Variants in CCT5 observed in about 807,000 individuals in gnomAD.
The protein encoded by CCT5 is chaperonin containing TCP1 subunit 5.
Under a neutral mutation model 55.0 loss-of-function variants are expected in CCT5, and 6 were observed. The ratio of observed to expected loss-of-function variants is 0.11; its 90% CI spans 0.06 to 0.22. The LOEUF (loss-of-function observed/expected upper bound fraction) is 0.22, where lower values mean the gene tolerates loss of function less well. CCT5 is among the 10% of genes least tolerant of loss of function. The pLI, the probability that CCT5 is intolerant of heterozygous loss-of-function variation, is 1.00. For missense variants in CCT5, 560 were observed against 694.6 expected (o/e 0.81, Z 2.18); for synonymous variants, 231 against 243.7 (o/e 0.95, Z 0.49).
rs984527911 is a variant in CCT5, at chr5:10,250,576, C to T, written c.105+131C>T. On this transcript the variant is annotated intron_variant, in intron 1 of 10. Coordinates refer to ENST00000280326, the MANE Select transcript of CCT5 (RefSeq NM_012073.5). ...AAGGTCGAGAATCTCCGTCTCCCTGCGGTCTCCGGCCGCTCAGCCCGCTTA... is the reference window on the plus strand; with the variant it reads ...AAGGTCGAGAATCTCCGTCTCCCTGTGGTCTCCGGCCGCTCAGCCCGCTTA... 8 of 1,496,360 alleles carry T rather than the reference C, an allele frequency of 5.3e-6. No individual in the cohort carries two copies. The African/African-American group carries it at 7.0e-5, about 13-fold the overall frequency. The allele number at this position is 1,496,360 out of a possible 1,614,324, so 92.7% of individuals were successfully genotyped here.
intron 4 of CCT5, among the ~76,000 whole-genome samples, chr5:10,257,545 A>G (rs1484623595): frequency 6.6e-6 from 1 of 151,816 alleles, no homozygotes; most frequent in African/African-American, 2.4e-5. Context: ...TTCTTGGCTC[A>G]AAAATTAATT....
intron 4 of CCT5, among the ~76,000 whole-genome samples, chr5:10,256,446 G>C (rs1351062751): frequency 6.6e-6 from 1 of 152,202 alleles, no homozygotes; most frequent in East Asian, 1.9e-4. Context: ...GCTGGATGCA[G>C]TGGCTCATAC....
intron 7 of CCT5, 113 bp downstream of exon 7, chr5:10,261,024 A>C (rs930049316): frequency 9.2e-7 from 1 of 1,092,376 alleles, no homozygotes; most frequent in Non-Finnish European, 1.4e-6. Flanking sequence ...CTGGCAGATG[A>C]GGGGAGGGTG....
At chr5:10,256,956 T>A (rs528641287) in intron 4 of CCT5, among the ~76,000 whole-genome samples, 5 of 152,236 alleles carry the variant, frequency 3.3e-5, no homozygotes, top group Non-Finnish European at 7.3e-5. Context: ...CCCAGGAGAC[T>A]CTAAGCAACC....
intron 7 of CCT5, 49 bp downstream of exon 7, chr5:10,260,960 T>A: frequency 6.2e-7 from 1 of 1,602,054 alleles, no homozygotes; most frequent in Non-Finnish European, 8.6e-7. Context: ...GTTCATCTTA[T>A]GTGTTGAGGG....
At chr5:10,263,339 T>A (rs1746063913) in intron 10 of CCT5, 25 bp downstream of exon 10, 23 of 420,246 alleles carry the variant, frequency 5.5e-5, no homozygotes, top group Non-Finnish European at 8.4e-5. Context: ...CGCCTCTGCG[T>A]GGAGGGGGGG....
chr5:10,250,481 G>T, intron 1 of CCT5, 36 bp downstream of exon 1: 2 of 1,610,162 alleles, frequency 1.2e-6, no homozygotes, highest in Non-Finnish European at 1.7e-6. Flanking sequence ...GTGGGCTAAG[G>T]GGAGGTGGCC....
In CCT5 at chr5:10,250,464, G is replaced by A; in HGVS notation, c.105+19G>A. ...CCTCAAGGTAATGGCACAGGGACCT[G>A]CTCGCGGTGGGCTAAGGGGAGGTGG... On this transcript the variant is annotated intron_variant, in intron 1 of 10. Coordinates refer to ENST00000280326, the MANE Select transcript of CCT5 (RefSeq NM_012073.5). 6.2e-7 allele frequency: 1 copy of A among 1,611,704 alleles called. No homozygotes were observed. Among genetic ancestry groups the A allele is most frequent in the Non-Finnish European group, 8.5e-7 (1 of 1,179,814 alleles).
At chr5:10,256,718 C>T (rs1745701525) in intron 4 of CCT5, among the ~76,000 whole-genome samples, 1 of 150,992 alleles carries the variant, frequency 6.6e-6, no homozygotes, top group Admixed American at 6.6e-5. Flanking sequence ...AGAAAGGGTC[C>T]TACCTGGAGG....
intron 1 of CCT5, among the ~76,000 whole-genome samples, chr5:10,253,201 G>T (rs2445866): frequency 6.6e-6 from 1 of 151,968 alleles, no homozygotes; most frequent in African/African-American, 2.4e-5. Context: ...GTCATGGCGC[G>T]TGCCTGTAAT....
At chr5:10,254,083 G>T in intron 1 of CCT5, 62 bp from the exon 2 acceptor site, 1 of 1,083,366 alleles carries the variant, frequency 9.2e-7, no homozygotes. Context: ...GTCATCAGAT[G>T]TGTGCTTTTA....
chr5:10,250,607 C>T (rs565621280), intron 1 of CCT5, 162 bp downstream of exon 1: 6 of 1,454,898 alleles, frequency 4.1e-6, no homozygotes, highest in South Asian at 2.8e-5. Flanking sequence ...GCTTACTGAG[C>T]TCGGGAGACG....
At chr5:10,256,427 TC>T (rs1745684023) in intron 4 of CCT5, among the ~76,000 whole-genome samples, 1 of 152,194 alleles carries the variant, frequency 6.6e-6, no homozygotes, top group Non-Finnish European at 1.5e-5. Flanking sequence ...GTGTTAAAAA[TC>T]AGCTAAGGCT....
intron 10 of CCT5, among the ~76,000 whole-genome samples, chr5:10,263,998 C>T (rs931438096): frequency 3.3e-5 from 5 of 152,152 alleles, no homozygotes; most frequent in East Asian, 1.9e-4. Flanking sequence ...TAGGGCCGGG[C>T]GCAGTGACTC....
In CCT5 at chr5:10,257,479, A is replaced by G. The variant is rs539514006; in HGVS notation, c.531-632A>G. 6.6e-5 allele frequency among the ~76,000 whole-genome samples: 10 copies of G among 152,360 alleles called. No homozygotes were observed. In the South Asian group the frequency reaches 1.0e-3, roughly 16 times the overall value. On this transcript the variant is annotated intron_variant, in intron 4 of 10. Transcript: ENST00000280326. ...ATGTTTACTTTCATGGTTCTCTTTTATAGATAACCTGTGATTTCAGACATT... is the reference window on the plus strand; with the variant it reads ...ATGTTTACTTTCATGGTTCTCTTTTGTAGATAACCTGTGATTTCAGACATT...
At position 10,261,720 on chromosome 5, in the gene CCT5, T is replaced by G; in HGVS notation, c.1154T>G (p.Ile385Ser). The change falls in exon 8 of 11, where the codon ATT becomes AGT. Residue 385 changes from isoleucine to serine, a missense_variant. By Grantham distance (142) the Ile-to-Ser change is moderately radical (BLOSUM62 -2). Around this residue, in one of 4 missense-constraint regions of CCT5, gnomAD observed 256 missense variants for 372.4 expected, o/e 0.69. Transcript: ENST00000280326. The stretch of plus-strand genomic sequence containing the variant: ...TGTAAGAACTCCAGAGCTGTAACCA[T>G]TTTTATTAGAGGAGGAAATAAGATG... ...EQCKNSRAVT[I>S]FIRGGNKMII... The G allele has an allele frequency of 6.2e-7, 1 of 1,613,886 alleles. No homozygotes were observed. The highest frequency in any genetic ancestry group is 8.5e-7 in the Non-Finnish European group (1 of 1,179,774).
intron 3 of CCT5, 136 bp downstream of exon 3, chr5:10,254,974 A>G: frequency 3.0e-6 from 2 of 659,988 alleles, no homozygotes; most frequent in Non-Finnish European, 5.3e-6. Context: ...ACATGCTACA[A>G]AACAAATGTC....
intron 3 of CCT5, 118 bp from the exon 4 acceptor site, chr5:10,255,837 C>T (rs1745647973): frequency 1.1e-6 from 1 of 897,012 alleles, no homozygotes; most frequent in Non-Finnish European, 1.8e-6. Context: ...TCTAAGATGA[C>T]TTGCAGCTTA....
chr5:10,249,967 G>A, upstream of CCT5: 1 of 1,534,358 alleles, frequency 6.5e-7, no homozygotes, highest in Non-Finnish European at 8.8e-7. Flanking sequence ...TCTCGGAGCC[G>A]GAGTGCGAAG....
Sources: allele counts gnomAD v4.1 joint callset (sites outside exome capture counted in the v4.1 genomes callset), GRCh38; gene constraint gnomAD v4.1.1; regional missense constraint gnomAD v4.1.1; transcripts MANE v1.5; gene names NCBI Gene and HGNC (gene_info 2026-07-23, HGNC 2026-07-21).